Variants in PKN2 observed in about 807,000 individuals in gnomAD.
PKN2 encodes the protein protein kinase N2.
A neutral mutation model predicts 119.1 loss-of-function variants in PKN2; 38 were observed. The ratio of observed to expected loss-of-function variants is 0.32; its 90% CI spans 0.25 to 0.42. The LOEUF (loss-of-function observed/expected upper bound fraction) is 0.42, where lower values mean the gene tolerates loss of function less well. Ranked by LOEUF, PKN2 falls within the 10% of genes least tolerant of loss-of-function variation. The probability of loss-of-function intolerance (pLI) is 1.00; values close to 1 mark genes in which losing one functional copy is unlikely to be tolerated. For synonymous variants in PKN2, 390 were observed against 384.9 expected (o/e 1.01, Z -0.15); for missense variants, 850 against 1,165.1 (o/e 0.73, Z 3.94).
At chr1:88,715,434 T>C (rs973305280) in intron 1 of PKN2, among the ~76,000 whole-genome samples, 2 of 152,186 alleles carry the variant, frequency 1.3e-5, no homozygotes, top group African/African-American at 4.8e-5. Context: ...AATCATTTCC[T>C]CAATTTCAGA....
intron 2 of PKN2, among the ~76,000 whole-genome samples, chr1:88,751,971 T>C (rs1300410712): frequency 2.0e-5 from 3 of 152,164 alleles, no homozygotes; most frequent in African/African-American, 7.2e-5. Context: ...TTTTAAGATA[T>C]CCTTTGTCTT....
At chr1:88,772,154 C>G (rs1669922175) in intron 6 of PKN2, among the ~76,000 whole-genome samples, 1 of 152,184 alleles carries the variant, frequency 6.6e-6, no homozygotes, top group African/African-American at 2.4e-5. Flanking sequence ...TCCCCATTCC[C>G]CCTTCCTCCC....
chr1:88,700,072 C>T (rs992650648), intron 1 of PKN2, among the ~76,000 whole-genome samples: 2 of 151,972 alleles, frequency 1.3e-5, no homozygotes, highest in African/African-American at 4.8e-5. Flanking sequence ...CATGAGCCAC[C>T]GTGCCTGGCT....
chr1:88,707,870 T>C (rs1667063998), intron 1 of PKN2, among the ~76,000 whole-genome samples: 1 of 152,168 alleles, frequency 6.6e-6, no homozygotes, highest in East Asian at 1.9e-4. Flanking sequence ...AGAGCACTCT[T>C]AGATAATGGT....
rs1672192747 is a variant in PKN2 at position 88,820,182 on chromosome 1, ATAT to A, written c.2280-1758_2280-1756del. On this transcript the variant is annotated intron_variant, in intron 16 of 21. Transcript: ENST00000370521. ...ATCAAACAAATCTTTTCAGAAACCTATATATATATATATATATATATATATATA... is the reference window on the plus strand; with the variant it reads ...ATCAAACAAATCTTTTCAGAAACCTAATATATATATATATATATATATATA... 5.4e-3 allele frequency among the ~76,000 whole-genome samples: 44 copies of A among 8,136 alleles called. 3 individuals are homozygous for A. The highest frequency in any genetic ancestry group is 0.012 in the East Asian group (2 of 166). 5.3% of individuals were successfully genotyped at this position (8,136 alleles called of 152,430 possible).
intron 16 of PKN2, among the ~76,000 whole-genome samples, chr1:88,817,988 C>CA (rs1672077863): frequency 6.6e-6 from 1 of 152,144 alleles, no homozygotes; most frequent in East Asian, 1.9e-4. Flanking sequence ...CATCTCAGCG[C>CA]AAAATCTCCT....
chr1:88,692,410 A>C (rs1211977763), intron 1 of PKN2, among the ~76,000 whole-genome samples: 2 of 152,218 alleles, frequency 1.3e-5, no homozygotes, highest in Admixed American at 6.5e-5. Context: ...CTCACAGGGT[A>C]GGTGAATGTT....
At chr1:88,717,364 C>A (rs1382977374) in intron 1 of PKN2, among the ~76,000 whole-genome samples, 1 of 152,152 alleles carries the variant, frequency 6.6e-6, no homozygotes, top group Non-Finnish European at 1.5e-5. Context: ...TGGGGAAGTT[C>A]TCCTGGATAA....
chr1:88,771,402 A>C lies in PKN2; in HGVS notation c.623-19A>C. ...AAGTCAGATAAATGGTGCAATTAAA[A>C]TTTTTTTTTCCTTTCTAGCAAAACC... On this transcript the variant is annotated intron_variant, in intron 4 of 21. Transcript: ENST00000370521. 2 of 1,550,904 alleles carry C rather than the reference A, an allele frequency of 1.3e-6. No homozygotes were observed. Among genetic ancestry groups the C allele is most frequent in the Non-Finnish European group, 1.7e-6 (2 of 1,150,904 alleles).
At chr1:88,737,041 A>C (rs1668376162) in intron 1 of PKN2, among the ~76,000 whole-genome samples, 1 of 152,074 alleles carries the variant, frequency 6.6e-6, no homozygotes, top group Non-Finnish European at 1.5e-5. Context: ...TCATTCTTTC[A>C]AGCATCAGTG....
chr1:88,792,594 A>G (rs1028556212), intron 8 of PKN2, among the ~76,000 whole-genome samples: 2 of 152,164 alleles, frequency 1.3e-5, no homozygotes, highest in African/African-American at 4.8e-5. Flanking sequence ...TTAAATACTA[A>G]TAGTCTACTG....
intron 2 of PKN2, among the ~76,000 whole-genome samples, chr1:88,758,038 C>CAAAAAAAAAAA (rs33914457): frequency 3.4e-5 from 2 of 59,070 alleles, no homozygotes; most frequent in African/African-American, 6.8e-5. Flanking sequence ...GAGACTATCT[C>CAAAAAAAAAAA]AAAAAAAAAA....
intron 8 of PKN2, among the ~76,000 whole-genome samples, chr1:88,801,875 A>G (rs188555854): frequency 5.5e-4 from 84 of 152,356 alleles, no homozygotes; most frequent in Admixed American, 4.8e-3. Flanking sequence ...TCCTGCATCC[A>G]TTGGCTGGAG....
At chr1:88,793,941 A>G (rs1450979584) in intron 8 of PKN2, among the ~76,000 whole-genome samples, 2 of 152,354 alleles carry the variant, frequency 1.3e-5, no homozygotes, top group Non-Finnish European at 2.9e-5. Flanking sequence ...CCACAGATAC[A>G]GAGGGTGGAC....
Position 88,807,686 on chromosome 1 carries a change from G to T in PKN2, c.2013G>T (p.Val671=), listed in dbSNP as rs1414749322. 1 of 1,582,866 alleles carries T rather than the reference G, an allele frequency of 6.3e-7. No homozygotes were observed. The highest frequency in any genetic ancestry group is 8.6e-7 in the Non-Finnish European group (1 of 1,159,680). The stretch of plus-strand genomic sequence containing the variant: ...TAATTATTTTAATTTTATTTCAGGT[G>T]CTTTTAGCTGAATATAAAAACACAA... ...AVLGRGHFGK[V]LLAEYKNTNE... is the part of the protein sequence containing the mutation. Residue 671 remains valine, a splice_region_variant and synonymous_variant, in exon 15 of 22, where the codon GTG becomes GTT. Transcript: ENST00000370521.
chr1:88,830,485 G>A (rs1557641477), intron 19 of PKN2, among the ~76,000 whole-genome samples: 1 of 151,982 alleles, frequency 6.6e-6, no homozygotes, highest in Non-Finnish European at 1.5e-5. Flanking sequence ...ATTTTGGAGG[G>A]TTTTTTTGGT....
intron 1 of PKN2, among the ~76,000 whole-genome samples, chr1:88,732,434 A>G (rs557717676): frequency 1.3e-5 from 2 of 152,322 alleles, no homozygotes; most frequent in South Asian, 2.1e-4. Context: ...AGCTGCATAT[A>G]CTGCTGTTAA....
In PKN2 at chr1:88,684,765, C is replaced by T. The variant is rs565006895; in HGVS notation, c.48+137C>T. 467 of 695,310 alleles carry T rather than the reference C, an allele frequency of 6.7e-4. 1 individual carries two copies. The highest frequency in any genetic ancestry group is 1.6e-3 in the South Asian group (73 of 44,808). 43.1% of individuals were successfully genotyped at this position (695,310 alleles called of 1,614,324 possible). ...AGTGCGGAAACTCCGGGATGTCACT[C>T]GGGAAATGCTTCCCTCGGGGAACCG... On this transcript the variant is annotated intron_variant, in intron 1 of 21. Coordinates refer to ENST00000370521, the MANE Select transcript of PKN2 (RefSeq NM_006256.4).
chr1:88,735,291 T>A (rs563826783), intron 1 of PKN2, among the ~76,000 whole-genome samples: 1 of 152,114 alleles, frequency 6.6e-6, no homozygotes, highest in South Asian at 2.1e-4. Flanking sequence ...CCCAAGTATC[T>A]GGGACTACAG....
Sources: gnomAD v4.1 joint callset for allele counts (sites outside exome capture counted in the v4.1 genomes callset) on GRCh38, gnomAD v4.1.1 for gene constraint, MANE v1.5 for transcripts, NCBI Gene and HGNC (gene_info 2026-07-23, HGNC 2026-07-21) for gene names.